TFG: variants seen among roughly 807,000 people sequenced by gnomAD.
TFG encodes trafficking from ER to golgi regulator.
A neutral mutation model predicts 51.4 loss-of-function variants in TFG; 22 were observed. The ratio of observed to expected loss-of-function variants is 0.43; its 90% CI spans 0.31 to 0.61. The LOEUF is 0.61. Among genes scored for constraint, TFG ranks in the 20% least tolerant of loss-of-function variants. The pLI is 0.12. For synonymous variants in TFG, 187 were observed against 165.6 expected, an observed-to-expected ratio of 1.13 and a Z score of -0.99; for missense variants, 419 against 487.7, an observed-to-expected ratio of 0.86 and a Z score of 1.33.
chr3:100,719,097 G>C (rs2095054088), intron 2 of TFG, among the ~76,000 whole-genome samples: 1 of 152,170 alleles, frequency 6.6e-6, no homozygotes, highest in Non-Finnish European at 1.5e-5. Context: ...GCTATAAGGA[G>C]CTAAAAACAG....
intron 1 of TFG, chr3:100,710,307 G>C (rs2149052539): frequency 6.6e-6 from 1 of 152,280 alleles, no homozygotes; most frequent in South Asian, 2.1e-4. Flanking sequence ...TAAGTATTTT[G>C]GATGCACTGT....
At chr3:100,712,612 T>C (rs1310823335) in intron 1 of TFG, among the ~76,000 whole-genome samples, 1 of 152,176 alleles carries the variant, frequency 6.6e-6, no homozygotes, top group African/African-American at 2.4e-5. Flanking sequence ...TCCCTTTATT[T>C]AATAGCTGTT....
chr3:100,746,856 A>C (rs1349130931), intron 7 of TFG, among the ~76,000 whole-genome samples: 1 of 152,232 alleles, frequency 6.6e-6, no homozygotes, highest in African/African-American at 2.4e-5. Flanking sequence ...AGCTGAATCC[A>C]TCTATTTCTT....
rs1450682104 is a variant in TFG, at chr3:100,738,968, TCAAACAA to T, written c.721+2262_721+2268del. ...GGATTTGACACTGATTTGGAACACT[TCAAACAA>T]CAAACAACATATCACATTTCAAACA... On this transcript the variant is annotated intron_variant, in intron 6 of 7. Coordinates refer to ENST00000240851, the MANE Select transcript of TFG (RefSeq NM_006070.6). Among the ~76,000 whole-genome samples, 5 of 152,282 alleles carry T rather than the reference TCAAACAA, an allele frequency of 3.3e-5. 1 individual carries two copies. In the Middle Eastern group the frequency reaches 0.014, roughly 414 times the overall value.
At position 100,713,676 on chromosome 3, in the gene TFG, G is replaced by A. The variant is rs2095037260; in HGVS notation, c.-10G>A. On this transcript the variant is annotated 5_prime_UTR_variant, in exon 2 of 8. Coordinates refer to ENST00000240851, the MANE Select transcript of TFG (RefSeq NM_006070.6). ...TAGAGTTGTATATATAGAACATCCT[G>A]GAGTCCACCATGAACGGACAGTTGG... 6.3e-7 allele frequency: 1 copy of A among 1,580,310 alleles called. No individual in the cohort carries two copies. The highest frequency in any genetic ancestry group is 1.7e-5 in the Admixed American group (1 of 57,696).
At chr3:100,735,441 C>T (rs758464718) in intron 5 of TFG, among the ~76,000 whole-genome samples, 1 of 152,176 alleles carries the variant, frequency 6.6e-6, no homozygotes, top group Non-Finnish European at 1.5e-5. Context: ...GCTATAAGCT[C>T]TTGTAAACTC....
At chr3:100,732,214 C>T (rs1576369096) in intron 4 of TFG, among the ~76,000 whole-genome samples, 1 of 152,076 alleles carries the variant, frequency 6.6e-6, no homozygotes, top group African/African-American at 2.4e-5. Context: ...AAATGTTTCT[C>T]TTTATCAAGG....
At position 100,744,934 on chromosome 3, in the gene TFG, G is replaced by A. The variant is rs367852812; in HGVS notation, c.820+3G>A. 16 of 1,599,718 alleles carry A rather than the reference G, an allele frequency of 1.0e-5. No homozygotes were observed. Among genetic ancestry groups the A allele is most frequent in the African/African-American group, 2.7e-5 (2 of 74,508 alleles). The stretch of plus-strand genomic sequence containing the variant: ...ACAGTATGGTATTCAGTATTCAGGT[G>A]AGCAGGTGTTGAAAGGGAGTTGGCT... On this transcript the variant is annotated splice_donor_region_variant and intron_variant, in intron 7 of 7. Coordinates refer to ENST00000240851, the MANE Select transcript of TFG (RefSeq NM_006070.6).
Position 100,713,826 on chromosome 3 carries a change from A to T in TFG, c.141A>T (p.Lys47Asn). 6.3e-7 allele frequency: 1 copy of T among 1,584,472 alleles called. No homozygotes were observed. The highest frequency in any genetic ancestry group is 8.6e-7 in the Non-Finnish European group (1 of 1,159,894). The part of the protein sequence containing the change: ...VLMMQRVFRG[K>N]LLSNDEVTIK... ...TGATGCAACGAGTTTTCAGAGGAAA[A>T]CTTCTGAGTAATGATGAAGTAACAA... The change falls in exon 2 of 8, where the codon AAA becomes AAT. Residue 47 changes from lysine (K) to asparagine (N), a missense_variant. Lys to Asn is a moderately conservative substitution (Grantham distance 94, BLOSUM62 0). Around this residue, in one of 3 missense-constraint regions of TFG, gnomAD observed 391 missense variants for 434.4 expected, o/e 0.90. Transcript: ENST00000240851.
intron 6 of TFG, among the ~76,000 whole-genome samples, chr3:100,737,357 CTGAA>C (rs1403088388): frequency 1.3e-5 from 2 of 152,160 alleles, no homozygotes; most frequent in African/African-American, 4.8e-5. Flanking sequence ...GTCTTTAGTT[CTGAA>C]TGAAATATAA....
chr3:100,712,171 T>G (rs72919429), intron 1 of TFG, among the ~76,000 whole-genome samples: 2,561 of 152,250 alleles, frequency 0.017, 62 homozygotes, highest in African/African-American at 0.058. Context: ...GGTCTAGAGA[T>G]ATTAATTTAA....
chr3:100,743,483 TA>T (rs1218927888), intron 6 of TFG: 4 of 152,232 alleles, frequency 2.6e-5, no homozygotes, highest in African/African-American at 9.6e-5. Context: ...GCTATTAGTC[TA>T]AATCATTAAG....
chr3:100,736,622 C>T lies in TFG; in HGVS notation c.627C>T (p.Ser209=). 1.9e-6 allele frequency: 3 copies of T among 1,613,998 alleles called. No individual in the cohort carries two copies. Among genetic ancestry groups the T allele is most frequent in the Non-Finnish European group, 2.5e-6 (3 of 1,179,966 alleles). Residue 209 remains serine, a synonymous_variant, in exon 6 of 8, where the codon AGC becomes AGT. Transcript: ENST00000240851. Reference sequence around the variant, plus strand: ...AAGATCGTTCAGGAACACCCGACAGCATTGCTTCCTCCTCCTCAGCAGCTC... The same window carrying T: ...AAGATCGTTCAGGAACACCCGACAGTATTGCTTCCTCCTCCTCAGCAGCTC... ...PAEDRSGTPD[S]IASSSSAAHP...
Position 100,714,374 on chromosome 3 carries a change from G to A in TFG, c.184+505G>A, listed in dbSNP as rs564093843. Among the ~76,000 whole-genome samples, 46 of 152,018 alleles carry A rather than the reference G, an allele frequency of 3.0e-4. 2 individuals are homozygous for A. In the South Asian group the frequency reaches 9.4e-3, roughly 31 times the overall value. ...AAATTAGCTGGGCGTGGTGGTGTGC[G>A]CCTGTAATCCCAACTACTCGGGAGG... On this transcript the variant is annotated intron_variant, in intron 2 of 7. Coordinates refer to ENST00000240851, the MANE Select transcript of TFG (RefSeq NM_006070.6).
intron 1 of TFG, among the ~76,000 whole-genome samples, chr3:100,712,007 T>A (rs1576351734): frequency 6.6e-6 from 1 of 152,220 alleles, no homozygotes; most frequent in African/African-American, 2.4e-5. Context: ...AAAAGCTAAC[T>A]GTATTCTTAT....
chr3:100,713,643 T>G lies in TFG; in HGVS notation c.-43T>G, dbSNP rs1415140820. The G allele has an allele frequency of 3.7e-5, 50 of 1,367,628 alleles. No homozygotes were observed. The highest frequency in any genetic ancestry group is 4.8e-5 in the Non-Finnish European group (49 of 1,029,800). The allele number at this position is 1,367,628 out of a possible 1,614,324, so 84.7% of individuals were successfully genotyped here. On this transcript the variant is annotated splice_region_variant and 5_prime_UTR_variant, in exon 2 of 8. Coordinates refer to ENST00000240851, the MANE Select transcript of TFG (RefSeq NM_006070.6). ...TAATTATCAAAACCACTTTTATCAG[T>G]CTTTCTCTAGAGTTGTATATATAGA... is the stretch of plus-strand genomic sequence containing the variant.
intron 5 of TFG, among the ~76,000 whole-genome samples, chr3:100,734,125 T>C (rs1318886782): frequency 6.6e-6 from 1 of 152,088 alleles, no homozygotes; most frequent in African/African-American, 2.4e-5. Flanking sequence ...TGAACTCTTT[T>C]GTGATAGTTT....
intron 3 of TFG, among the ~76,000 whole-genome samples, chr3:100,727,340 C>G (rs76786969): frequency 0.02 from 2,932 of 150,206 alleles, 87 homozygotes; most frequent in African/African-American, 0.067. Context: ...TATTGAACTT[C>G]ATAGCTATGC....
At chr3:100,727,573 G>T (rs1013283690) in intron 3 of TFG, among the ~76,000 whole-genome samples, 1 of 152,166 alleles carries the variant, frequency 6.6e-6, no homozygotes, top group Non-Finnish European at 1.5e-5. Context: ...TCAGAGCCTT[G>T]TGTCACTTTC....
Sources: gnomAD v4.1 joint callset for allele counts (sites outside exome capture counted in the v4.1 genomes callset) on GRCh38, gnomAD v4.1.1 for gene constraint, gnomAD v4.1.1 regional missense constraint, MANE v1.5 for transcripts, NCBI Gene and HGNC (gene_info 2026-07-23, HGNC 2026-07-21) for gene names.